HMCN2: variants seen among roughly 807,000 people sequenced by gnomAD.
HMCN2 encodes hemicentin-2.
In HMCN2, 325 loss-of-function variants were observed where a neutral mutation model predicts 377.5. That is an observed-to-expected ratio of 0.86 (90% CI 0.79 to 0.94). HMCN2 has a LOEUF of 0.94. Ranked by LOEUF, HMCN2 falls within the 40% of genes least tolerant of loss-of-function variation. The pLI is 0.00. For missense variants in HMCN2, 4,543 were observed against 4,725.3 expected (o/e 0.96, Z 1.13); for synonymous variants, 2,007 against 2,046.8 (o/e 0.98, Z 0.53).
At chr9:130,279,277 G>A (rs888655044) in intron 1 of HMCN2, among the ~76,000 whole-genome samples, 4 of 152,140 alleles carry the variant, frequency 2.6e-5, no homozygotes, top group Admixed American at 1.3e-4. Flanking sequence ...GACATGGAGG[G>A]GCTGTCTTCT....
At position 130,405,012 on chromosome 9, in the gene HMCN2, A is replaced by T; in HGVS notation, c.12292A>T (p.Lys4098Ter). 1 of 1,289,504 alleles carries T rather than the reference A, an allele frequency of 7.8e-7. No individual in the cohort carries two copies. Among genetic ancestry groups the T allele is most frequent in the Non-Finnish European group, 1.0e-6 (1 of 988,708 alleles). 79.9% of individuals were successfully genotyped at this position (1,289,504 alleles called of 1,614,324 possible). A position where few individuals can be genotyped will look rare whatever the true frequency, so the allele number is the denominator to read the frequency against. Residue 4098 changes from lysine to a stop codon, truncating the protein, a stop_gained, in exon 81 of 98, where the codon AAG becomes TAG. Transcript: ENST00000683500. LOFTEE classifies it high-confidence loss of function. ...DGQPVSGAEG[K>*]FTIQPSGELL... ...CCAGCCTGTGTCGGGCGCCGAGGGGAAGTTCACCATCCAGCCTTCTGGGGA... is the reference window on the plus strand; with the variant it reads ...CCAGCCTGTGTCGGGCGCCGAGGGGTAGTTCACCATCCAGCCTTCTGGGGA...
Position 130,304,734 on chromosome 9 carries a change from C to T in HMCN2, c.1548C>T (p.Pro516=), listed in dbSNP as rs1394810183. The change falls in exon 11 of 98, where the codon CCC becomes CCT. Residue 516 remains proline (P), a synonymous_variant. Coordinates refer to ENST00000683500, the MANE Select transcript of HMCN2 (RefSeq NM_001291815.2). This position sits in a 1 kb window ranked among gnomAD's most constrained non-coding sequence, Gnocchi z 4.3. ...RAKAQIVVTD[P]PPQLVPAPNV... Reference sequence around the variant, plus strand: ...CCTGTGCTCATGTCCCTGCAGACCCCCCGCCGCAGCTGGTCCCTGCTCCCA... The same window carrying T: ...CCTGTGCTCATGTCCCTGCAGACCCTCCGCCGCAGCTGGTCCCTGCTCCCA... The T allele has an allele frequency of 8.9e-5, 41 of 463,098 alleles. 1 individual carries two copies. In the Admixed American group the frequency reaches 9.7e-4, roughly 11 times the overall value. The allele number at this position is 463,098 out of a possible 1,614,324, so 28.7% of individuals were successfully genotyped here.
At chr9:130,403,046 C>A in intron 78 of HMCN2, 148 bp from the exon 79 acceptor site, 2 of 1,031,978 alleles carry the variant, frequency 1.9e-6, no homozygotes, top group Non-Finnish European at 2.5e-6. Flanking sequence ...GGAAAAGAAT[C>A]AGCCATGGCG....
rs1236478311 is a variant in HMCN2, at chr9:130,428,857, C to A, written c.14197+368C>A. On this transcript the variant is annotated intron_variant, in intron 93 of 97. Coordinates refer to ENST00000683500, the MANE Select transcript of HMCN2 (RefSeq NM_001291815.2). This position sits in a 1 kb window ranked among gnomAD's most constrained non-coding sequence, Gnocchi z 5.0. ...AGCTAGAGACCACCTCTGAATCCTT[C>A]TTGACGCAGCAGCCCCTGCAGCCAC... is the stretch of plus-strand genomic sequence containing the variant. Among the ~76,000 whole-genome samples, 5 of 152,222 alleles carry A rather than the reference C, an allele frequency of 3.3e-5. No individual in the cohort carries two copies. Among genetic ancestry groups the A allele is most frequent in the African/African-American group, 1.2e-4 (5 of 41,450 alleles).
chr9:130,433,813 A>G lies in HMCN2; in HGVS notation c.*120A>G. On this transcript the variant is annotated 3_prime_UTR_variant, in exon 98 of 98. Coordinates refer to ENST00000683500, the MANE Select transcript of HMCN2 (RefSeq NM_001291815.2). ...GTCATCGTCTCCCGCCCCGTGCGTC[A>G]GCGAGACCTTGGGTCAACACGACCC... 4 of 850,124 alleles carry G rather than the reference A, an allele frequency of 4.7e-6. No individual in the cohort carries two copies. The highest frequency in any genetic ancestry group is 6.8e-6 in the Non-Finnish European group (4 of 591,132). 52.7% of individuals were successfully genotyped at this position (850,124 alleles called of 1,614,324 possible). A position where few individuals can be genotyped will look rare whatever the true frequency, so the allele number is the denominator to read the frequency against.
chr9:130,349,236 G>A, intron 28 of HMCN2, 105 bp downstream of exon 28: 1 of 1,162,600 alleles, frequency 8.6e-7, no homozygotes, highest in South Asian at 1.4e-5. Flanking sequence ...GCGGAGAGCA[G>A]GGGGCACAGA....
rs1458429101 is a variant in HMCN2, at chr9:130,403,740, G to T, written c.12014-1G>T. On this transcript the variant is annotated splice_acceptor_variant, in intron 79 of 97. Transcript: ENST00000683500. LOFTEE classifies it high-confidence loss of function. ...CCCCGATTTTCTTCTTCCTCGTTCA[G>T]GAGTGAGTACCCAGGTCCTACCAGG... The T allele has an allele frequency of 7.8e-7, 1 of 1,289,658 alleles. No individual in the cohort carries two copies. Among genetic ancestry groups the T allele is most frequent in the Admixed American group, 2.3e-5 (1 of 43,540 alleles). 79.9% of individuals were successfully genotyped at this position (1,289,658 alleles called of 1,614,324 possible). A position where few individuals can be genotyped will look rare whatever the true frequency, so the allele number is the denominator to read the frequency against.
Position 130,433,368 on chromosome 9 carries a change from C to G in HMCN2, c.14915C>G (p.Ser4972Trp). 2.7e-6 allele frequency: 4 copies of G among 1,472,170 alleles called. No individual in the cohort carries two copies. The highest frequency in any genetic ancestry group is 3.6e-6 in the Non-Finnish European group (4 of 1,119,728). 91.2% of individuals were successfully genotyped at this position (1,472,170 alleles called of 1,614,324 possible). Residue 4972 changes from serine (S) to tryptophan (W), a missense_variant, in exon 98 of 98, where the codon TCG (serine) becomes TGG (tryptophan). Transcript: ENST00000683500. Reference sequence around the variant, plus strand: ...CGCAGGACGTGCTTCCGGCGCTGCTCGCAGGACTGCGGCACGGGCGGCCCC... The same window carrying G: ...CGCAGGACGTGCTTCCGGCGCTGCTGGCAGGACTGCGGCACGGGCGGCCCC... Reference protein sequence around the residue: ...PSPGTCFRRCSQDCGTGGPST... With the variant: ...PSPGTCFRRCWQDCGTGGPST...
intron 4 of HMCN2, among the ~76,000 whole-genome samples, chr9:130,291,034 C>A (rs534172373): frequency 6.6e-6 from 1 of 152,308 alleles, no homozygotes; most frequent in East Asian, 1.9e-4. Context: ...ATATTCATGG[C>A]AGACATTGCT....
chr9:130,356,774 C>T (rs1840047549), intron 34 of HMCN2, among the ~76,000 whole-genome samples: 1 of 152,254 alleles, frequency 6.6e-6, no homozygotes, highest in Admixed American at 6.5e-5. Context: ...CACTGTCCAC[C>T]TCTGTGAGCT....
At chr9:130,357,174 G>A (rs1160128002) in intron 34 of HMCN2, among the ~76,000 whole-genome samples, 4 of 133,626 alleles carry the variant, frequency 3.0e-5, no homozygotes, top group African/African-American at 1.1e-4. Flanking sequence ...GGATAGATGG[G>A]TAAATGGATG....
chr9:130,380,141 A>T (rs958549678), intron 54 of HMCN2, among the ~76,000 whole-genome samples: 2 of 152,092 alleles, frequency 1.3e-5, no homozygotes, highest in African/African-American at 4.8e-5. Flanking sequence ...CGGCCTCCCA[A>T]CATGCTGGGA....
At chr9:130,359,964 A>G (rs529078225) in intron 37 of HMCN2, among the ~76,000 whole-genome samples, 1 of 152,242 alleles carries the variant, frequency 6.6e-6, no homozygotes, top group South Asian at 2.1e-4. Flanking sequence ...AGCTGCAGAT[A>G]CACGCGGTCC....
intron 7 of HMCN2, 88 bp downstream of exon 7, chr9:130,296,882 G>T: frequency 2.3e-6 from 1 of 441,084 alleles, no homozygotes; most frequent in Non-Finnish European, 4.7e-6. Flanking sequence ...GGTGTGGGGG[G>T]AATGCTTGGC....
chr9:130,412,905 C>T (rs1458204224), intron 85 of HMCN2, among the ~76,000 whole-genome samples: 2 of 152,096 alleles, frequency 1.3e-5, no homozygotes, highest in Non-Finnish European at 2.9e-5. Context: ...AGTTTTAGTT[C>T]TCACATTTAG....
At chr9:130,345,390 G>C (rs995663743) in intron 25 of HMCN2, among the ~76,000 whole-genome samples, 1 of 146,958 alleles carries the variant, frequency 6.8e-6, no homozygotes, top group South Asian at 2.2e-4. Context: ...GTAGTGTGTG[G>C]TGTGTGTGTG....
intron 62 of HMCN2, 128 bp downstream of exon 62, chr9:130,388,668 T>A: frequency 2.2e-6 from 1 of 452,042 alleles, no homozygotes; most frequent in Non-Finnish European, 2.7e-6. Context: ...GGCAGTGCCG[T>A]GTTGCCCCCC....
chr9:130,416,100 A>ATTTTTTTTTTTTT (rs34382467), intron 85 of HMCN2, among the ~76,000 whole-genome samples: 1 of 130,736 alleles, frequency 7.6e-6, no homozygotes. Context: ...TAGAGGCTTT[A>ATTTTTTTTTTTTT]TTTTTTTTTT....
At position 130,357,919 on chromosome 9, in the gene HMCN2, G is replaced by A. The variant is rs1378828018; in HGVS notation, c.5511G>A (p.Gly1837=). ...QPVTLQCIGD[G]VPTPSLRWWK... ...TGACCCTCCAGTGCATAGGGGATGG[G>A]GTGCCCACCCCAAGCCTCCGTTGGT... Residue 1837 remains glycine (G), a synonymous_variant, in exon 35 of 98, where the codon GGG becomes GGA. Coordinates refer to ENST00000683500, the MANE Select transcript of HMCN2 (RefSeq NM_001291815.2). The A allele has an allele frequency of 6.1e-6, 8 of 1,304,066 alleles. No individual in the cohort carries two copies. Among genetic ancestry groups the A allele is most frequent in the Non-Finnish European group, 8.1e-6 (8 of 988,906 alleles). 80.8% of individuals were successfully genotyped at this position (1,304,066 alleles called of 1,614,324 possible).
Sources: gnomAD v4.1 joint callset for allele counts (sites outside exome capture counted in the v4.1 genomes callset) on GRCh38, gnomAD v4.1.1 for gene constraint, Gnocchi (gnomAD v3.1) non-coding constraint, MANE v1.5 for transcripts, NCBI Gene and HGNC (gene_info 2026-07-23, HGNC 2026-07-21) for gene names.